EYS: variants seen among roughly 807,000 people sequenced by gnomAD.
EYS encodes protein eyes shut homolog.
Under a neutral mutation model 282.1 loss-of-function variants are expected in EYS, and 250 were observed. That is an observed-to-expected ratio of 0.89 (90% CI 0.80 to 0.98). The LOEUF is 0.98. Ranked by LOEUF, EYS falls within the 50% of genes least tolerant of loss-of-function variation. EYS has a pLI of 0.00. For synonymous variants in EYS, 1,355 were observed against 1,282.9 expected, an observed-to-expected ratio of 1.06 and a Z score of -1.20; for missense variants, 4,016 against 3,709.0, an observed-to-expected ratio of 1.08 and a Z score of -2.15.
At chr6:64,342,680 A>G (rs1771174346) in intron 29 of EYS, among the ~76,000 whole-genome samples, 1 of 152,052 alleles carries the variant, frequency 6.6e-6, no homozygotes, top group South Asian at 2.1e-4. Context: ...TAAGCAGCTA[A>G]CATCATAATG....
chr6:64,398,253 CAGA>C (rs1773437700), intron 28 of EYS, among the ~76,000 whole-genome samples: 1 of 151,756 alleles, frequency 6.6e-6, no homozygotes, highest in Non-Finnish European at 1.5e-5. Context: ...TGTTAGGAGA[CAGA>C]AGGAGAGGGA....
chr6:63,897,311 T>C (rs1773559231), intron 35 of EYS, among the ~76,000 whole-genome samples: 1 of 152,230 alleles, frequency 6.6e-6, no homozygotes, highest in Non-Finnish European at 1.5e-5. Flanking sequence ...CAATGTTTTA[T>C]CTGTGTTTGC....
At chr6:65,079,981 T>G (rs1246625591) in intron 12 of EYS, among the ~76,000 whole-genome samples, 1 of 152,104 alleles carries the variant, frequency 6.6e-6, no homozygotes, top group Non-Finnish European at 1.5e-5. Flanking sequence ...TTTTTATTAC[T>G]ATCATTAATT....
In EYS at chr6:64,813,488, A is replaced by T. The variant is rs1463620153; in HGVS notation, c.3333T>A (p.Gly1111=). The change falls in exon 22 of 43, where the codon GGT becomes GGA. Residue 1111 remains glycine, a synonymous_variant. Coordinates refer to ENST00000503581, the MANE Select transcript of EYS (RefSeq NM_001142800.2). The part of the protein sequence containing the change: ...FTCICPRGYT[G]AYCEKSIDNC... ...TATCAATGCTTTTTTCACAGTATGC[A>T]CCAGTGTATCCACGTGGGCAAATGC... 4.5e-6 allele frequency: 7 copies of T among 1,550,702 alleles called. No homozygotes were observed. The highest frequency in any genetic ancestry group is 1.2e-5 in the South Asian group (1 of 84,036).
intron 26 of EYS, among the ~76,000 whole-genome samples, chr6:64,480,595 T>C (rs1159990893): frequency 1.3e-5 from 2 of 151,808 alleles, no homozygotes; most frequent in East Asian, 1.9e-4. Context: ...TAAGCATTGA[T>C]TAGTAAGAAG....
chr6:64,394,097 G>A (rs1380608815), intron 28 of EYS, among the ~76,000 whole-genome samples: 1 of 152,126 alleles, frequency 6.6e-6, no homozygotes, highest in Non-Finnish European at 1.5e-5. Context: ...CCTCTTCAAG[G>A]AGAACTACAA....
intron 30 of EYS, among the ~76,000 whole-genome samples, chr6:64,243,045 T>G: frequency 6.8e-6 from 1 of 147,418 alleles, no homozygotes; most frequent in Middle Eastern, 3.6e-3. Context: ...TAAAATATAA[T>G]TATATAAATA....
chr6:63,809,997 T>C (rs1251561623), intron 36 of EYS, among the ~76,000 whole-genome samples: 1 of 150,984 alleles, frequency 6.6e-6, no homozygotes, highest in Non-Finnish European at 1.5e-5. Flanking sequence ...ATCCCAGCAC[T>C]TTGGGAGGCC....
intron 36 of EYS, among the ~76,000 whole-genome samples, chr6:63,844,028 CCA>C (rs1440202537): frequency 6.6e-6 from 1 of 152,090 alleles, no homozygotes; most frequent in African/African-American, 2.4e-5. Flanking sequence ...CTGACAGGCC[CCA>C]CTGTGTGTTG....
At chr6:63,755,731 A>C (rs1769462966) in intron 41 of EYS, among the ~76,000 whole-genome samples, 1 of 152,136 alleles carries the variant, frequency 6.6e-6, no homozygotes, top group African/African-American at 2.4e-5. Flanking sequence ...CAGTATGGCC[A>C]TTTTCACAAT....
intron 26 of EYS, among the ~76,000 whole-genome samples, chr6:64,586,157 A>G (rs1267667560): frequency 1.3e-5 from 2 of 152,024 alleles, no homozygotes; most frequent in African/African-American, 4.8e-5. Context: ...TTCTGGATGT[A>G]ATTAGTGTCT....
chr6:65,590,832 A>G (rs530758425), intron 2 of EYS, among the ~76,000 whole-genome samples: 21 of 152,004 alleles, frequency 1.4e-4, no homozygotes, highest in African/African-American at 5.1e-4. Context: ...TGGCTGCATA[A>G]TATTACATTG....
At chr6:64,927,015 T>A (rs541240334) in intron 15 of EYS, among the ~76,000 whole-genome samples, 1 of 152,320 alleles carries the variant, frequency 6.6e-6, no homozygotes, top group Non-Finnish European at 1.5e-5. Context: ...AATCTTTTAG[T>A]ATAGGACATT....
intron 11 of EYS, among the ~76,000 whole-genome samples, chr6:65,333,722 T>C (rs1454475396): frequency 6.8e-6 from 1 of 146,436 alleles, no homozygotes; most frequent in Non-Finnish European, 1.5e-5. Context: ...TTGTTAGTTG[T>C]GTATATACAT....
chr6:64,401,367 T>G (rs1773532536), intron 28 of EYS, among the ~76,000 whole-genome samples: 1 of 152,026 alleles, frequency 6.6e-6, no homozygotes, highest in Non-Finnish European at 1.5e-5. Context: ...ACATTTGCAT[T>G]AAAAAATTGA....
At chr6:65,030,758 C>A (rs149771528) in intron 13 of EYS, among the ~76,000 whole-genome samples, 1 of 152,162 alleles carries the variant, frequency 6.6e-6, no homozygotes, top group East Asian at 1.9e-4. Context: ...ATCAAGTCTG[C>A]GTAACAACAA....
intron 31 of EYS, among the ~76,000 whole-genome samples, chr6:64,105,016 TAG>T (rs1254916666): frequency 6.7e-6 from 1 of 148,242 alleles, no homozygotes; most frequent in Non-Finnish European, 1.5e-5. Flanking sequence ...CACTGAGAAA[TAG>T]AGAGATGAAT....
At chr6:63,908,012 GTATA>G (rs57451331) in intron 35 of EYS, among the ~76,000 whole-genome samples, 7,541 of 130,932 alleles carry the variant, frequency 0.058, 293 homozygotes, top group Middle Eastern at 0.089. Flanking sequence ...ACACACAAAC[GTATA>G]TATATATATA....
intron 22 of EYS, among the ~76,000 whole-genome samples, chr6:64,768,496 T>G (rs948768629): frequency 6.6e-6 from 1 of 152,182 alleles, no homozygotes; most frequent in Non-Finnish European, 1.5e-5. Context: ...CTATTACTTT[T>G]TTGGTCTTTA....
Sources: gnomAD v4.1 joint callset for allele counts (sites outside exome capture counted in the v4.1 genomes callset) on GRCh38, gnomAD v4.1.1 for gene constraint, MANE v1.5 for transcripts, NCBI Gene and HGNC (gene_info 2026-07-23, HGNC 2026-07-21) for gene names.